Variants in ALOX12B observed in about 807,000 individuals in gnomAD.
ALOX12B encodes arachidonate 12-lipoxygenase, 12R-type.
In ALOX12B, 47 loss-of-function variants were observed where a neutral mutation model predicts 78.9. That is an observed-to-expected ratio of 0.60 (90% confidence interval 0.47 to 0.76). The LOEUF (loss-of-function observed/expected upper bound fraction) is 0.76. Ranked by LOEUF, ALOX12B falls within the 30% of genes least tolerant of loss-of-function variation. ALOX12B has a pLI of 0.00. For missense variants in ALOX12B, 805 were observed against 922.6 expected (o/e 0.87, Z 1.65); for synonymous variants, 370 against 374.5 (o/e 0.99, Z 0.14).
chr17:8,079,703 A>T lies in ALOX12B; in HGVS notation c.927+66T>A, dbSNP rs1779639086. 6.4e-7 allele frequency: 1 copy of T among 1,564,314 alleles called. No individual in the cohort carries two copies. Among genetic ancestry groups the T allele is most frequent in the African/African-American group, 1.4e-5 (1 of 73,538 alleles). On this transcript the variant is annotated intron_variant, in intron 7 of 14. Transcript: ENST00000647874. This position sits in a 1 kb window ranked among gnomAD's most constrained non-coding sequence, Gnocchi z 6.4. Reference sequence around the variant, plus strand: ...ACTGGCGCGGGCGCCGGAGGTGGGGAGAGACGGGGATGCCCGCGAGGGAGG... The same window carrying T: ...ACTGGCGCGGGCGCCGGAGGTGGGGTGAGACGGGGATGCCCGCGAGGGAGG...
At position 8,081,114 on chromosome 17, in the gene ALOX12B, G is replaced by C; in HGVS notation, c.426C>G (p.Asp142Glu). The change falls in exon 3 of 15, where the codon GAC becomes GAG. Residue 142 changes from aspartate to glutamate, a missense_variant. Asp to Glu is a conservative substitution (Grantham distance 45, BLOSUM62 2). Transcript: ENST00000647874. ...GCCACCCGCCCCCTCACTGGTAGAA[G>C]TCCTGCTTGGCTCTGATCTCCTCTT... ...HRKEEIRAKQDFYHWRVFLPG... is the reference protein window; with the variant it reads ...HRKEEIRAKQEFYHWRVFLPG... 1 of 1,613,810 alleles carries C rather than the reference G, an allele frequency of 6.2e-7. No homozygotes were observed. Among genetic ancestry groups the C allele is most frequent in the East Asian group, 2.2e-5 (1 of 44,870 alleles).
At chr17:8,078,644 T>C (rs1468866059) in intron 8 of ALOX12B, among the ~76,000 whole-genome samples, 2 of 152,126 alleles carry the variant, frequency 1.3e-5, no homozygotes, top group Non-Finnish European at 1.5e-5. Flanking sequence ...AGCAGCGCAC[T>C]TTGTACTTCT....
Position 8,080,201 on chromosome 17 carries a change from C to G in ALOX12B, c.754+34G>C. 6.2e-7 allele frequency: 1 copy of G among 1,605,484 alleles called. No individual in the cohort carries two copies. The highest frequency in any genetic ancestry group is 8.5e-7 in the Non-Finnish European group (1 of 1,172,226). ...CTAGCACGCCGGAGACCGCCTGGCT[C>G]CCCCTGCTCGATCCGGGACGCCCCA... On this transcript the variant is annotated intron_variant, in intron 6 of 14. Transcript: ENST00000647874. This position sits in a 1 kb window ranked among gnomAD's most constrained non-coding sequence, Gnocchi z 4.8.
In ALOX12B at chr17:8,076,756, C is replaced by A. The variant is rs370659573; in HGVS notation, c.1276-13G>T. ...GGGGGATGAGGAGCTGTGGGGAGAG[C>A]AAGGAGGATGAAGAGAGAGGGCTGA... On this transcript the variant is annotated splice_polypyrimidine_tract_variant and intron_variant, in intron 9 of 14. Coordinates refer to ENST00000647874, the MANE Select transcript of ALOX12B (RefSeq NM_001139.3). The A allele has an allele frequency of 6.5e-7, 1 of 1,549,456 alleles. No homozygotes were observed. Among genetic ancestry groups the A allele is most frequent in the East Asian group, 2.4e-5 (1 of 40,912 alleles).
At chr17:8,081,085 C>T in intron 3 of ALOX12B, 21 bp downstream of exon 3, 1 of 1,613,600 alleles carries the variant, frequency 6.2e-7, no homozygotes, top group Admixed American at 1.7e-5. Context: ...GGCGCCCAGA[C>T]TCTGCCACCC....
rs146006866 is a variant in ALOX12B at position 8,080,146 on chromosome 17, C to A, written c.754+89G>T. ...CGCGCGCGCGCCTCGCTGCCTCTCC[C>A]GTCCCACTGCCCCGAAGTCGGGGGC... On this transcript the variant is annotated intron_variant, in intron 6 of 14. Coordinates refer to ENST00000647874, the MANE Select transcript of ALOX12B (RefSeq NM_001139.3). This position sits in a 1 kb window ranked among gnomAD's most constrained non-coding sequence, Gnocchi z 4.8. 5.6e-4 allele frequency: 851 copies of A among 1,511,206 alleles called. 11 individuals are homozygous for A. In the African/African-American group the frequency reaches 9.7e-3, roughly 17 times the overall value. The allele number at this position is 1,511,206 out of a possible 1,614,324, so 93.6% of individuals were successfully genotyped here.
chr17:8,087,180 C>T (rs541050209), intron 1 of ALOX12B, 116 bp downstream of exon 1: 295 of 1,456,802 alleles, frequency 2.0e-4, no homozygotes, highest in Non-Finnish European at 2.5e-4. Flanking sequence ...GCTCCCCCTG[C>T]GCACCTTCAC....
At position 8,073,658 on chromosome 17, in the gene ALOX12B, T is replaced by C. The variant is rs2151821124; in HGVS notation, c.1754A>G (p.Gln585Arg). Residue 585 changes from glutamine to arginine, a missense_variant and splice_region_variant, in exon 13 of 15, where the codon CAG becomes CGG. Physicochemically the swap from Gln to Arg is conservative, Grantham distance 43. Transcript: ENST00000647874. ...CTGGGTTGGTGAGACCACCGGTACC[T>C]GGCCTGTGTTGACAGCAGCGTGCTT... is the stretch of plus-strand genomic sequence containing the variant. ...SAKHAAVNTG[Q>R]MEFTAWMPNF... The C allele has an allele frequency of 6.2e-7, 1 of 1,613,858 alleles. No individual in the cohort carries two copies. Among genetic ancestry groups the C allele is most frequent in the Non-Finnish European group, 8.5e-7 (1 of 1,179,778 alleles).
At chr17:8,085,428 C>G (rs1429181973) in intron 2 of ALOX12B, among the ~76,000 whole-genome samples, 2 of 152,146 alleles carry the variant, frequency 1.3e-5, no homozygotes, top group Non-Finnish European at 2.9e-5. Flanking sequence ...GCCTGGGCAA[C>G]AAGAGTGAAA....
At chr17:8,081,289 G>T (rs1977213374) in intron 2 of ALOX12B, 102 bp from the exon 3 acceptor site, 8 of 1,202,902 alleles carry the variant, frequency 6.7e-6, no homozygotes, top group Non-Finnish European at 9.8e-6. Context: ...CTCTGGGGGG[G>T]CCCATGACCA....
In ALOX12B at chr17:8,086,010, G is replaced by A; in HGVS notation, c.352+6C>T. ...CATAGGATGGAGCAGGGTGATGAGG[G>A]CTTACCTGTGGCCTCCCGGAGTGCC... On this transcript the variant is annotated splice_donor_region_variant and intron_variant, in intron 2 of 14. Transcript: ENST00000647874. 5 of 1,613,998 alleles carry A rather than the reference G, an allele frequency of 3.1e-6. No homozygotes were observed. The highest frequency in any genetic ancestry group is 3.4e-6 in the Non-Finnish European group (4 of 1,179,894).
chr17:8,076,548 A>T, intron 10 of ALOX12B, 109 bp downstream of exon 10: 10 of 1,345,410 alleles, frequency 7.4e-6, no homozygotes, highest in Non-Finnish European at 1.0e-5. Context: ...CCCTCCCTTC[A>T]TGCCCCCTCA....
rs779492509 is a variant in ALOX12B at position 8,075,638 on chromosome 17, C to T, written c.1611G>A (p.Val537=). 1 of 1,614,204 alleles carries T rather than the reference C, an allele frequency of 6.2e-7. No homozygotes were observed. The highest frequency in any genetic ancestry group is 1.1e-5 in the South Asian group (1 of 91,086). The part of the protein sequence containing the change: ...VEGDPELQSW[V]QEIFKECLLG... ...GGAGGCACTCTTTAAATATTTCCTGCACCCAAGACTGCAATTCCGGATCAC... is the reference window on the plus strand; with the variant it reads ...GGAGGCACTCTTTAAATATTTCCTGTACCCAAGACTGCAATTCCGGATCAC... Residue 537 remains valine, a synonymous_variant, in exon 12 of 15, where the codon GTG becomes GTA. Transcript: ENST00000647874.
At position 8,087,383 on chromosome 17, in the gene ALOX12B, G is replaced by A. The variant is rs1263304777; in HGVS notation, c.60C>T (p.Asp20=). Residue 20 remains aspartate (D), a synonymous_variant, in exon 1 of 15, where the codon GAC becomes GAT. Transcript: ENST00000647874. ...TGTDLLSGTR[D]SISLTIVGTQ... is the part of the protein sequence containing the mutation. Reference sequence around the variant, plus strand: ...TCCCCACAATGGTCAGTGAGATGGAGTCCCGTGTTCCCGACAAGAGGTCGG... The same window carrying A: ...TCCCCACAATGGTCAGTGAGATGGAATCCCGTGTTCCCGACAAGAGGTCGG... 6.2e-7 allele frequency: 1 copy of A among 1,614,124 alleles called. No homozygotes were observed.
chr17:8,086,239 T>A lies in ALOX12B; in HGVS notation c.148-19A>T. 6.2e-7 allele frequency: 1 copy of A among 1,612,320 alleles called. No individual in the cohort carries two copies. The highest frequency in any genetic ancestry group is 2.2e-5 in the East Asian group (1 of 44,812). On this transcript the variant is annotated intron_variant, in intron 1 of 14. Transcript: ENST00000647874. Reference sequence around the variant, plus strand: ...GGCCCACCTAGGCAGGATGCAAGCCTGGCTGAGTGGGCAGGACTTCACCCC... The same window carrying A: ...GGCCCACCTAGGCAGGATGCAAGCCAGGCTGAGTGGGCAGGACTTCACCCC...
intron 8 of ALOX12B, among the ~76,000 whole-genome samples, chr17:8,078,002 C>A (rs1178723940): frequency 6.6e-6 from 1 of 152,124 alleles, no homozygotes; most frequent in African/African-American, 2.4e-5. Context: ...CGTGTACAGA[C>A]TTTTTTTCCT....
intron 11 of ALOX12B, 135 bp downstream of exon 11, chr17:8,076,040 C>T: frequency 8.3e-7 from 1 of 1,212,088 alleles, no homozygotes; most frequent in Non-Finnish European, 1.2e-6. Context: ...GACACACAGA[C>T]CCCAGGCCCC....
At position 8,073,193 on chromosome 17, in the gene ALOX12B, G is replaced by A; in HGVS notation, c.1881C>T (p.Ile627=). The A allele has an allele frequency of 6.2e-7, 1 of 1,614,200 alleles. No individual in the cohort carries two copies. The highest frequency in any genetic ancestry group is 2.2e-5 in the East Asian group (1 of 44,888). ...DTLPDVKTTC[I]TLLVLWTLSR... is the part of the protein sequence containing the mutation. ...TGAGGGTCCAGAGCACCAGCAGCGT[G>A]ATGCACGTGGTCTTCACATCCGGCA... Residue 627 remains isoleucine (I), a synonymous_variant, in exon 14 of 15, where the codon ATC becomes ATT. Coordinates refer to ENST00000647874, the MANE Select transcript of ALOX12B (RefSeq NM_001139.3).
chr17:8,081,228 G>A, intron 2 of ALOX12B, 41 bp from the exon 3 acceptor site: 1 of 1,595,738 alleles, frequency 6.3e-7, no homozygotes, highest in Non-Finnish European at 8.6e-7. Context: ...GCTGACCCTT[G>A]CCCCTGCCCA....
Sources: gnomAD v4.1 joint callset for allele counts (sites outside exome capture counted in the v4.1 genomes callset) on GRCh38, gnomAD v4.1.1 for gene constraint, Gnocchi (gnomAD v3.1) non-coding constraint, MANE v1.5 for transcripts, NCBI Gene and HGNC (gene_info 2026-07-23, HGNC 2026-07-21) for gene names.